The following RNF6 variants were observed in gnomAD, a reference collection of about 807,000 sequenced individuals.
RNF6 encodes ring finger protein 6.
A neutral mutation model predicts 50.1 loss-of-function variants in RNF6; 21 were observed. The ratio of observed to expected loss-of-function variants is 0.42; its 90% CI spans 0.30 to 0.60. The LOEUF (loss-of-function observed/expected upper bound fraction) is 0.60, where lower values mean the gene tolerates loss of function less well. RNF6 is among the 20% of genes least tolerant of loss of function. RNF6 has a pLI of 0.20. For synonymous variants in RNF6, 255 were observed against 291.8 expected (o/e 0.87, Z 1.29); for missense variants, 698 against 838.2 (o/e 0.83, Z 2.07).
chr13:26,197,008 A>G (rs901845547), intron 5 of RNF6, among the ~76,000 whole-genome samples: 4 of 151,936 alleles, frequency 2.6e-5, no homozygotes, highest in African/African-American at 9.7e-5. Context: ...TTGAAATGGA[A>G]AGTTAAATAT....
At chr13:26,172,693 G>A (rs1385327242) in intron 5 of RNF6, among the ~76,000 whole-genome samples, 3 of 152,012 alleles carry the variant, frequency 2.0e-5, no homozygotes, top group Non-Finnish European at 2.9e-5. Context: ...ACAGGTGCCC[G>A]CCACCATGCC....
intron 5 of RNF6, among the ~76,000 whole-genome samples, chr13:26,145,990 C>A (rs919664345): frequency 6.6e-6 from 1 of 152,198 alleles, no homozygotes; most frequent in Non-Finnish European, 1.5e-5. Flanking sequence ...TAGACAAAAA[C>A]TCCATTGATC....
intron 5 of RNF6, among the ~76,000 whole-genome samples, chr13:26,138,914 A>C (rs973096973): frequency 2.0e-5 from 3 of 152,308 alleles, no homozygotes; most frequent in African/African-American, 7.2e-5. Flanking sequence ...AAATAGTATC[A>C]CTTCACATCT....
Position 26,215,293 on chromosome 13 carries a change from T to G in RNF6, c.589A>C (p.Thr197Pro). Residue 197 changes from threonine (T) to proline (P), a missense_variant, in exon 5 of 5, where the codon ACA (threonine) becomes CCA (proline). Transcript: ENST00000381588. Reference sequence around the variant, plus strand: ...AAATTCACTGAGGTTTGGCTTCTTGTTCGCCTAGCCACAGGACTAGTTGAC... The same window carrying G: ...AAATTCACTGAGGTTTGGCTTCTTGGTCGCCTAGCCACAGGACTAGTTGAC... ...QRSTSPVARR[T>P]RSQTSVNFNG... The G allele has an allele frequency of 6.2e-7, 1 of 1,614,236 alleles. No homozygotes were observed. Among genetic ancestry groups the G allele is most frequent in the Non-Finnish European group, 8.5e-7 (1 of 1,180,036 alleles).
chr13:26,139,297 A>G (rs1407634328), intron 5 of RNF6, among the ~76,000 whole-genome samples: 2 of 152,152 alleles, frequency 1.3e-5, no homozygotes, highest in Non-Finnish European at 2.9e-5. Context: ...ATGAGGACTG[A>G]CCATTCCTAA....
chr13:26,207,133 C>T (rs779816243), intron 5 of RNF6, among the ~76,000 whole-genome samples: 2 of 151,176 alleles, frequency 1.3e-5, no homozygotes, highest in Non-Finnish European at 2.9e-5. Flanking sequence ...TGAGGACTTG[C>T]AGGAGTGACA....
chr13:26,167,420 G>A (rs1415049538), intron 5 of RNF6, among the ~76,000 whole-genome samples: 1 of 152,062 alleles, frequency 6.6e-6, no homozygotes, highest in Non-Finnish European at 1.5e-5. Flanking sequence ...TCAAAAGAGG[G>A]CATACATGTG....
chr13:26,166,318 A>G (rs1418095893), intron 5 of RNF6, among the ~76,000 whole-genome samples: 1 of 152,156 alleles, frequency 6.6e-6, no homozygotes, highest in Admixed American at 6.5e-5. Flanking sequence ...CTTTATCAGC[A>G]GTGTAAAAAT....
At chr13:26,208,616 G>C (rs1655470628), downstream of RNF6, among the ~76,000 whole-genome samples, 1 of 152,110 alleles carries the variant, frequency 6.6e-6, no homozygotes, top group African/African-American at 2.4e-5. Context: ...ACTAAATTTG[G>C]ATGTGGTCTT....
At chr13:26,171,409 A>G in intron 5 of RNF6, among the ~76,000 whole-genome samples, 2 of 152,322 alleles carry the variant, frequency 1.3e-5, no homozygotes, top group East Asian at 3.9e-4. Context: ...GCAAGTGTTC[A>G]TTAAGATATG....
intron 5 of RNF6, among the ~76,000 whole-genome samples, chr13:26,143,057 T>A (rs1229643196): frequency 2.0e-5 from 3 of 152,234 alleles, no homozygotes; most frequent in Non-Finnish European, 4.4e-5. Context: ...CTGGTATTTA[T>A]AACTACCCTC....
chr13:26,192,943 T>C (rs1868518835), intron 5 of RNF6, among the ~76,000 whole-genome samples: 1 of 152,218 alleles, frequency 6.6e-6, no homozygotes, highest in South Asian at 2.1e-4. Context: ...AGCTGCTAAG[T>C]TTGCAGTAAT....
chr13:26,218,449 G>T, intron 4 of RNF6, 62 bp downstream of exon 4: 1 of 1,309,104 alleles, frequency 7.6e-7, no homozygotes, highest in Non-Finnish European at 1.1e-6. Context: ...CAAGGTCTAA[G>T]AATTTCATTT....
intron 5 of RNF6, among the ~76,000 whole-genome samples, chr13:26,191,823 C>G (rs532158203): frequency 1.4e-4 from 21 of 152,194 alleles, no homozygotes; most frequent in African/African-American, 4.8e-4. Context: ...GGAATAAAAG[C>G]AGGGAAGAGA....
chr13:26,221,647 C>G (rs1213874207), intron 1 of RNF6: 9 of 152,128 alleles, frequency 5.9e-5, no homozygotes, highest in Non-Finnish European at 1.2e-4. Flanking sequence ...CGGCTTACTT[C>G]TAAACCTTGA....
rs560676289 is a variant in RNF6, at chr13:26,159,557, G to A, written n.769-27106C>T. Among the ~76,000 whole-genome samples the A allele has an allele frequency of 3.9e-3, 593 of 152,130 alleles. 6 individuals are homozygous for A. Among genetic ancestry groups the A allele is most frequent in the African/African-American group, 0.014 (564 of 41,490 alleles). ...GGAGAATGGCGTGAACCCAGGAGGC[G>A]GAGCTTGCAGTGAGCAGAGAACACG... On this transcript the variant is annotated intron_variant and non_coding_transcript_variant, in intron 5 of 5. Transcript: ENST00000468480.
chr13:26,181,105 G>A (rs1873215345), intron 5 of RNF6, among the ~76,000 whole-genome samples: 1 of 152,080 alleles, frequency 6.6e-6, no homozygotes, highest in Admixed American at 6.5e-5. Context: ...AGGAAGGGGG[G>A]TCACATCCTG....
chr13:26,215,290 T>C lies in RNF6; in HGVS notation c.592A>G (p.Arg198Gly), dbSNP rs1312407146. Residue 198 changes from arginine (R) to glycine (G), a missense_variant, in exon 5 of 5, where the codon AGA becomes GGA. Arg to Gly is a moderately radical substitution (Grantham distance 125). Coordinates refer to ENST00000381588, the MANE Select transcript of RNF6 (RefSeq NM_005977.4). ...TTGAAATTCACTGAGGTTTGGCTTC[T>C]TGTTCGCCTAGCCACAGGACTAGTT... ...RSTSPVARRTRSQTSVNFNGS... is the reference protein window; with the variant it reads ...RSTSPVARRTGSQTSVNFNGS... 17 of 1,614,140 alleles carry C rather than the reference T, an allele frequency of 1.1e-5. No individual in the cohort carries two copies. The highest frequency in any genetic ancestry group is 2.2e-5 in the East Asian group (1 of 44,906).
At chr13:26,183,457 G>A (rs1261292831) in intron 5 of RNF6, among the ~76,000 whole-genome samples, 2 of 152,096 alleles carry the variant, frequency 1.3e-5, no homozygotes, top group African/African-American at 4.8e-5. Context: ...TAGACACTTT[G>A]GGCATCTGTG....
Sources: gnomAD v4.1 joint callset for allele counts (sites outside exome capture counted in the v4.1 genomes callset) on GRCh38, gnomAD v4.1.1 for gene constraint, MANE v1.5 for transcripts, NCBI Gene and HGNC (gene_info 2026-07-23, HGNC 2026-07-21) for gene names.